The following RNF24 variants were observed in gnomAD, a reference collection of about 807,000 sequenced individuals.
RNF24 encodes the protein ring finger protein 24.
A neutral mutation model predicts 20.0 loss-of-function variants in RNF24; 14 were observed. That is an observed-to-expected ratio of 0.70 (90% CI 0.46 to 1.10). RNF24 has a LOEUF of 1.10. RNF24 is among the 50% of genes least tolerant of loss of function. RNF24 has a pLI of 0.00. For missense variants in RNF24, 124 were observed against 177.6 expected, an observed-to-expected ratio of 0.70 and a Z score of 1.71; for synonymous variants, 45 against 61.1, an observed-to-expected ratio of 0.74 and a Z score of 1.23.
At chr20:3,946,770 C>G (rs2091023422) in intron 3 of RNF24, among the ~76,000 whole-genome samples, 1 of 151,274 alleles carries the variant, frequency 6.6e-6, no homozygotes, top group African/African-American at 2.4e-5. Flanking sequence ...AAATACTCAA[C>G]TCTGATTTTG....
chr20:3,999,919 T>A (rs1057456395), intron 1 of RNF24, among the ~76,000 whole-genome samples: 2 of 152,174 alleles, frequency 1.3e-5, no homozygotes, highest in African/African-American at 2.4e-5. Flanking sequence ...GATACATTTT[T>A]AAAATCCTAT....
At chr20:3,951,192 C>T (rs1305423709) in intron 2 of RNF24, among the ~76,000 whole-genome samples, 2 of 152,198 alleles carry the variant, frequency 1.3e-5, no homozygotes, top group East Asian at 1.9e-4. Flanking sequence ...CTCCTGACCT[C>T]GTTATCCGCC....
rs1412494131 is a variant in RNF24 at position 3,953,463 on chromosome 20, CTCTCT to C, written c.144-5189_144-5185del. On this transcript the variant is annotated intron_variant, in intron 2 of 5. Transcript: ENST00000358395. ...CACCGTGCCTGGCCCAAAACACATTCTCTCTTTTTTTTTTTTTTTGAGACGGAGTC... is the reference window on the plus strand; with the variant it reads ...CACCGTGCCTGGCCCAAAACACATTCTTTTTTTTTTTTTTGAGACGGAGTC... 4.1e-4 allele frequency among the ~76,000 whole-genome samples: 34 copies of C among 83,434 alleles called. 1 individual carries two copies. Among genetic ancestry groups the C allele is most frequent in the Admixed American group, 3.0e-3 (16 of 5,330 alleles). 54.7% of individuals were successfully genotyped at this position (83,434 alleles called of 152,430 possible). A position where few individuals can be genotyped will look rare whatever the true frequency, so the allele number is the denominator to read the frequency against.
intron 1 of RNF24, among the ~76,000 whole-genome samples, chr20:3,998,773 T>TTAA (rs1555802087): frequency 7.5e-6 from 1 of 133,604 alleles, no homozygotes. Flanking sequence ...AAAATTAAAT[T>TTAA]AAAAAAAATA....
rs1408910483 is a variant in RNF24, at chr20:3,991,927, T to TAC, written c.-8+23508_-8+23509dup. Among the ~76,000 whole-genome samples, 11 of 149,784 alleles carry TAC rather than the reference T, an allele frequency of 7.3e-5. No individual in the cohort carries two copies. The East Asian group carries it at 7.9e-4, about 11-fold the overall frequency. ...CATGAATAGAATATGTGTGGCTATA[T>TAC]ACACACACACACGCACACACACACA... On this transcript the variant is annotated intron_variant, in intron 1 of 5. Coordinates refer to ENST00000358395, the MANE Select transcript of RNF24 (RefSeq NM_001134337.3).
chr20:3,945,197 T>C lies in RNF24; in HGVS notation c.208A>G (p.Lys70Glu). 6.3e-7 allele frequency: 1 copy of C among 1,597,964 alleles called. No homozygotes were observed. The highest frequency in any genetic ancestry group is 8.5e-7 in the Non-Finnish European group (1 of 1,172,122). ...CTTACCTCATGTAAATTCAATTCTT[T>C]TACTTTCTCTTTTAATATAACCTGT... ...YKQVILKEKV[K>E]ELNLHELCAV... Residue 70 changes from lysine (K) to glutamate (E), a missense_variant, in exon 4 of 6, where the codon AAA (lysine) becomes GAA (glutamate). Physicochemically the swap from Lys to Glu is moderately conservative, Grantham distance 56 (BLOSUM62 1). Coordinates refer to ENST00000358395, the MANE Select transcript of RNF24 (RefSeq NM_001134337.3).
At chr20:4,009,195 T>C (rs1448494358) in intron 1 of RNF24, among the ~76,000 whole-genome samples, 1 of 152,116 alleles carries the variant, frequency 6.6e-6, no homozygotes, top group African/African-American at 2.4e-5. Flanking sequence ...CAGAGGGTGG[T>C]ACGTACTATA....
At chr20:3,965,404 A>ATATCATATATATAT (rs1297367415) in intron 1 of RNF24, among the ~76,000 whole-genome samples, 27 of 152,166 alleles carry the variant, frequency 1.8e-4, no homozygotes, top group African/African-American at 6.0e-4. Context: ...TCCAGTCTCT[A>ATATCATATATATAT]GTAACATATA....
At chr20:3,962,093 C>T (rs957180522) in intron 2 of RNF24, among the ~76,000 whole-genome samples, 2 of 152,148 alleles carry the variant, frequency 1.3e-5, no homozygotes, top group Non-Finnish European at 1.5e-5. Context: ...TGGCTCACCC[C>T]TGTAATCCCA....
intron 1 of RNF24, among the ~76,000 whole-genome samples, chr20:3,996,687 T>C (rs527913860): frequency 6.6e-6 from 1 of 152,338 alleles, no homozygotes; most frequent in East Asian, 1.9e-4. Context: ...ATGTAACTGA[T>C]GCACATGAAG....
At chr20:3,983,940 C>CAAAAAAAAAAAAAAAAAAAAAAAAA (rs56680870) in intron 1 of RNF24, among the ~76,000 whole-genome samples, 1 of 65,666 alleles carries the variant, frequency 1.5e-5, no homozygotes, top group African/African-American at 6.2e-5. Flanking sequence ...GACTTGGTCT[C>CAAAAAAAAAAAAAAAAAAAAAAAAA]AAAAAAAAAA....
intron 1 of RNF24, among the ~76,000 whole-genome samples, chr20:3,964,630 CT>C (rs2091239250): frequency 6.6e-6 from 1 of 151,994 alleles, no homozygotes; most frequent in East Asian, 1.9e-4. Flanking sequence ...TCAAGCAATT[CT>C]TCCACTTCAG....
chr20:3,972,671 C>T (rs1159275620), intron 1 of RNF24, among the ~76,000 whole-genome samples: 2 of 152,120 alleles, frequency 1.3e-5, no homozygotes, highest in Middle Eastern at 3.2e-3. Flanking sequence ...AGGGCCGAGG[C>T]GGGCAGATCA....
intron 1 of RNF24, among the ~76,000 whole-genome samples, chr20:3,986,777 T>C (rs112849529): frequency 9.2e-4 from 139 of 151,828 alleles, no homozygotes; most frequent in African/African-American, 3.1e-3. Context: ...GCCTCCCAAG[T>C]AGCTGGGACT....
At chr20:3,983,192 A>C (rs1218328306) in intron 1 of RNF24, among the ~76,000 whole-genome samples, 1 of 152,194 alleles carries the variant, frequency 6.6e-6, no homozygotes, top group African/African-American at 2.4e-5. Context: ...CTATTATGGC[A>C]GCACAAATGG....
chr20:3,944,643 A>C (rs1226634955), intron 4 of RNF24, among the ~76,000 whole-genome samples: 1 of 152,252 alleles, frequency 6.6e-6, no homozygotes, highest in Non-Finnish European at 1.5e-5. Context: ...TGTATACAGC[A>C]GGATATACAC....
At chr20:4,000,014 G>A (rs963942439) in intron 1 of RNF24, among the ~76,000 whole-genome samples, 1 of 152,076 alleles carries the variant, frequency 6.6e-6, no homozygotes, top group Non-Finnish European at 1.5e-5. Flanking sequence ...GGGGAGGAGC[G>A]GGGAGAATGA....
At chr20:4,014,015 C>T (rs7273848) in intron 1 of RNF24, among the ~76,000 whole-genome samples, 2,208 of 152,358 alleles carry the variant, frequency 0.014, 28 homozygotes, top group African/African-American at 0.029. Flanking sequence ...CTCTTCATAA[C>T]TTTACCAACA....
intron 4 of RNF24, among the ~76,000 whole-genome samples, chr20:3,942,027 T>C (rs1386487606): frequency 6.7e-6 from 1 of 150,022 alleles, no homozygotes; most frequent in African/African-American, 2.5e-5. Flanking sequence ...TGAGCCAAGA[T>C]TGTACCACTG....
Sources: allele counts gnomAD v4.1 joint callset (sites outside exome capture counted in the v4.1 genomes callset), GRCh38; gene constraint gnomAD v4.1.1; transcripts MANE v1.5; gene names NCBI Gene and HGNC (gene_info 2026-07-23, HGNC 2026-07-21).